SIPA1L3: variants seen among roughly 807,000 people sequenced by gnomAD.
SIPA1L3 encodes the protein signal-induced proliferation-associated 1-like protein 3.
Under a neutral mutation model 150.1 loss-of-function variants are expected in SIPA1L3, and 59 were observed. The ratio of observed to expected loss-of-function variants is 0.39; its 90% CI spans 0.32 to 0.49. The LOEUF (loss-of-function observed/expected upper bound fraction) is 0.49. Ranked by LOEUF, SIPA1L3 falls within the 20% of genes least tolerant of loss-of-function variation. The probability of loss-of-function intolerance (pLI) is 0.86; values close to 1 mark genes in which losing one functional copy is unlikely to be tolerated. For missense variants in SIPA1L3, 2,211 were observed against 2,489.5 expected (o/e 0.89, Z 2.38); for synonymous variants, 1,070 against 1,077.6 (o/e 0.99, Z 0.14).
Position 38,008,045 on chromosome 19 carries a change from T to C in SIPA1L3, c.-378-21044T>C, listed in dbSNP as rs893910184. 5.9e-5 allele frequency among the ~76,000 whole-genome samples: 9 copies of C among 152,196 alleles called. No homozygotes were observed. The South Asian group carries it at 1.2e-3, about 21-fold the overall frequency. On this transcript the variant is annotated intron_variant, in intron 1 of 21. Coordinates refer to ENST00000222345, the MANE Select transcript of SIPA1L3 (RefSeq NM_015073.3). Reference sequence around the variant, plus strand: ...ATAGCAGTTGCTTCATGAGTGCATGTTGAATGAATGTGAGTGCGTCTGAAG... The same window carrying C: ...ATAGCAGTTGCTTCATGAGTGCATGCTGAATGAATGTGAGTGCGTCTGAAG...
chr19:38,083,150 C>T lies in SIPA1L3; in HGVS notation c.1534+51C>T, dbSNP rs1438492533. On this transcript the variant is annotated intron_variant, in intron 3 of 21. Coordinates refer to ENST00000222345, the MANE Select transcript of SIPA1L3 (RefSeq NM_015073.3). The stretch of plus-strand genomic sequence containing the variant: ...GGTTGGGTGGGCCGAGGCTTGCCTC[C>T]GAGACCCCCACTACTCATTCATTCA... 2.0e-6 allele frequency: 3 copies of T among 1,509,788 alleles called. No homozygotes were observed. In the East Asian group the frequency reaches 6.8e-5, roughly 34 times the overall value. 93.5% of individuals were successfully genotyped at this position (1,509,788 alleles called of 1,614,324 possible).
At chr19:37,992,406 T>G (rs1173251777) in intron 1 of SIPA1L3, among the ~76,000 whole-genome samples, 1 of 152,128 alleles carries the variant, frequency 6.6e-6, no homozygotes, top group African/African-American at 2.4e-5. Flanking sequence ...ATCCCAGCAC[T>G]TTGGGAGGCC....
chr19:38,158,827 T>G (rs567014973), intron 13 of SIPA1L3, among the ~76,000 whole-genome samples: 1 of 152,334 alleles, frequency 6.6e-6, no homozygotes, highest in East Asian at 1.9e-4. Context: ...GGTACAGCCC[T>G]TGGCTTGGCC....
chr19:38,142,441 T>G (rs1488283464), intron 11 of SIPA1L3, 132 bp from the exon 12 acceptor site: 1 of 988,094 alleles, frequency 1.0e-6, no homozygotes, highest in Non-Finnish European at 1.5e-6. Context: ...GGGATGTGGC[T>G]GGGCGGGGGA....
At position 37,971,814 on chromosome 19, in the gene SIPA1L3, G is replaced by A. The variant is rs148643886; in HGVS notation, c.-378-57275G>A. Reference sequence around the variant, plus strand: ...ACTCCTGAGCTCAGGCAATCCGCCCGCCTCAGCCTCCCAAAGTGCTGGGAT... The same window carrying A: ...ACTCCTGAGCTCAGGCAATCCGCCCACCTCAGCCTCCCAAAGTGCTGGGAT... On this transcript the variant is annotated intron_variant, in intron 1 of 21. Coordinates refer to ENST00000222345, the MANE Select transcript of SIPA1L3 (RefSeq NM_015073.3). 8.2e-3 allele frequency among the ~76,000 whole-genome samples: 1,247 copies of A among 152,118 alleles called. 37 individuals carry two copies. Among genetic ancestry groups the A allele is most frequent in the East Asian group, 0.066 (343 of 5,164 alleles).
intron 15 of SIPA1L3, among the ~76,000 whole-genome samples, chr19:38,179,593 T>TTATATAAAATATAAGGCA: frequency 6.6e-6 from 1 of 152,222 alleles, no homozygotes; most frequent in South Asian, 2.1e-4. Flanking sequence ...TCTCCAATAT[T>TTATATAAAATATAAGGCA]GTCCTATTTC....
chr19:37,945,368 G>A (rs1039786766), intron 1 of SIPA1L3, among the ~76,000 whole-genome samples: 1 of 151,966 alleles, frequency 6.6e-6, no homozygotes, highest in African/African-American at 2.4e-5. Context: ...CCGGTAGCTG[G>A]GACTACAGGC....
chr19:37,983,801 G>A (rs1967263666), intron 1 of SIPA1L3, among the ~76,000 whole-genome samples: 2 of 151,694 alleles, frequency 1.3e-5, no homozygotes. Flanking sequence ...AGCTACTCAG[G>A]AGGCTGAGGT....
rs1423453718 is a variant in SIPA1L3, at chr19:38,046,121, G to A, written c.-311+16965G>A. Among the ~76,000 whole-genome samples, 1 of 152,110 alleles carries A rather than the reference G, an allele frequency of 6.6e-6. No homozygotes were observed. The highest frequency in any genetic ancestry group is 1.5e-5 in the Non-Finnish European group (1 of 68,032). ...CTTTTTGCCGTCATCTGGCCACTCA[G>A]TCGGCGGGGTTGAGAGGAGCTTTCT... On this transcript the variant is annotated intron_variant, in intron 2 of 21. Transcript: ENST00000222345. The surrounding 1 kb of genome is among the most constrained non-coding windows in gnomAD (Gnocchi z 5.6).
At chr19:37,941,044 G>A (rs1599819454) in intron 1 of SIPA1L3, among the ~76,000 whole-genome samples, 1 of 150,788 alleles carries the variant, frequency 6.6e-6, no homozygotes, top group African/African-American at 2.5e-5. Flanking sequence ...TGGATTTGCA[G>A]AGTAGGTGAA....
chr19:38,136,014 C>A (rs1182280429), intron 10 of SIPA1L3, among the ~76,000 whole-genome samples: 1 of 151,668 alleles, frequency 6.6e-6, no homozygotes, highest in Non-Finnish European at 1.5e-5. Context: ...CTTCCTCCTA[C>A]CCCCAGGCCA....
intron 12 of SIPA1L3, among the ~76,000 whole-genome samples, chr19:38,148,711 G>A (rs975802820): frequency 1.3e-5 from 2 of 152,144 alleles, no homozygotes; most frequent in Non-Finnish European, 2.9e-5. Context: ...TGGCCAAGAG[G>A]GAAGCTCAAG....
intron 1 of SIPA1L3, among the ~76,000 whole-genome samples, chr19:37,945,616 A>G (rs1318771322): frequency 6.6e-6 from 1 of 152,028 alleles, no homozygotes; most frequent in Non-Finnish European, 1.5e-5. Flanking sequence ...CGTCCTGCAG[A>G]TTACACTTGA....
In SIPA1L3 at chr19:38,130,551, C is replaced by G; in HGVS notation, c.2922C>G (p.Leu974=). Residue 974 remains leucine, a synonymous_variant, in exon 10 of 22, where the codon CTC becomes CTG. Transcript: ENST00000222345. ...ACATGACGCTTCGGCGGAACGGGCTCGGGCAGCTGGGCTTCCACGTGAAGT... is the reference window on the plus strand; with the variant it reads ...ACATGACGCTTCGGCGGAACGGGCTGGGGCAGCTGGGCTTCCACGTGAAGT... ...TVDMTLRRNG[L]GQLGFHVKYD... The G allele has an allele frequency of 6.2e-7, 1 of 1,613,724 alleles. No homozygotes were observed. Among genetic ancestry groups the G allele is most frequent in the Non-Finnish European group, 8.5e-7 (1 of 1,180,016 alleles).
chr19:38,122,619 G>A (rs981442889), intron 9 of SIPA1L3, among the ~76,000 whole-genome samples: 1 of 152,176 alleles, frequency 6.6e-6, no homozygotes, highest in African/African-American at 2.4e-5. Context: ...GGTCACTCTA[G>A]GTTAAAGCCT....
chr19:38,011,898 G>A (rs1047452319), intron 1 of SIPA1L3, among the ~76,000 whole-genome samples: 4 of 152,040 alleles, frequency 2.6e-5, no homozygotes, highest in Admixed American at 2.6e-4. Flanking sequence ...GAAAGGAAAT[G>A]AATTCAGGAT....
intron 1 of SIPA1L3, among the ~76,000 whole-genome samples, chr19:38,004,921 A>G (rs1409233711): frequency 6.6e-6 from 1 of 152,196 alleles, no homozygotes; most frequent in Admixed American, 6.5e-5. Context: ...AAGCCTGGCC[A>G]TCACAGACTG....
rs1452266016 is a variant in SIPA1L3 at position 38,082,967 on chromosome 19, C to T, written c.1402C>T (p.Arg468Cys). The T allele has an allele frequency of 6.2e-7, 1 of 1,613,080 alleles. No homozygotes were observed. The highest frequency in any genetic ancestry group is 1.1e-5 in the South Asian group (1 of 91,082). ...HLAEPALSAYRTNASISVLEV... is the reference protein window; with the variant it reads ...HLAEPALSAYCTNASISVLEV... ...GGCAGAGCCCGCCCTGAGCGCCTAC[C>T]GCACCAACGCCAGCATCTCGGTGTT... The change falls in exon 3 of 22, where the codon CGC becomes TGC. Residue 468 changes from arginine (R) to cysteine (C), a missense_variant. Arg to Cys is a radical substitution (Grantham distance 180). This residue lies in a region of SIPA1L3 where 587 missense variants were observed against 534.5 expected (regional missense o/e 1.10). Transcript: ENST00000222345.
At position 38,088,830 on chromosome 19, in the gene SIPA1L3, G is replaced by T. The variant is rs899978338; in HGVS notation, c.1644G>T (p.Arg548Ser). The T allele has an allele frequency of 5.6e-6, 9 of 1,613,998 alleles. No homozygotes were observed. Among genetic ancestry groups the T allele is most frequent in the Non-Finnish European group, 7.6e-6 (9 of 1,179,936 alleles). ...HKEHGPQYQY[R>S]IIFRTRELIT... Reference sequence around the variant, plus strand: ...AGCACGGACCTCAGTACCAGTACAGGATCATCTTCCGGACCCGCGAGGTAG... The same window carrying T: ...AGCACGGACCTCAGTACCAGTACAGTATCATCTTCCGGACCCGCGAGGTAG... The change falls in exon 4 of 22, where the codon AGG becomes AGT. Residue 548 changes from arginine to serine, a missense_variant. Arg to Ser is a moderately radical substitution (Grantham distance 110). Coordinates refer to ENST00000222345, the MANE Select transcript of SIPA1L3 (RefSeq NM_015073.3).
Sources: allele counts gnomAD v4.1 joint callset (sites outside exome capture counted in the v4.1 genomes callset), GRCh38; gene constraint gnomAD v4.1.1; regional missense constraint gnomAD v4.1.1; non-coding constraint Gnocchi (gnomAD v3.1); transcripts MANE v1.5; gene names NCBI Gene and HGNC (gene_info 2026-07-23, HGNC 2026-07-21).